ARAP2: variants seen among roughly 807,000 people sequenced by gnomAD.
The protein encoded by ARAP2 is ArfGAP with RhoGAP domain, ankyrin repeat and PH domain 2.
ARAP2 carries 148 observed loss-of-function variants against 194.5 expected under a neutral mutation model. The ratio of observed to expected loss-of-function variants is 0.76; its 90% CI spans 0.67 to 0.87. ARAP2 has a LOEUF of 0.87. Ranked by LOEUF, ARAP2 falls within the 40% of genes least tolerant of loss-of-function variation. The probability of loss-of-function intolerance (pLI) is 0.00; values close to 1 mark genes in which losing one functional copy is unlikely to be tolerated. For synonymous variants in ARAP2, 695 were observed against 683.5 expected, an observed-to-expected ratio of 1.02 and a Z score of -0.26; for missense variants, 2,128 against 1,989.7, an observed-to-expected ratio of 1.07 and a Z score of -1.32.
Position 36,068,079 on chromosome 4 carries a change from G to T in ARAP2, c.4943C>A (p.Pro1648Gln), listed in dbSNP as rs1235991946. 1 of 1,614,012 alleles carries T rather than the reference G, an allele frequency of 6.2e-7. No homozygotes were observed. The highest frequency in any genetic ancestry group is 1.7e-5 in the Admixed American group (1 of 60,008). Residue 1648 changes from proline (P) to glutamine (Q), a missense_variant, in exon 33 of 33, where the codon CCA becomes CAA. Coordinates refer to ENST00000303965, the MANE Select transcript of ARAP2 (RefSeq NM_015230.4). ...TGTCTTTAGGCCTTTATGGCCTTTT[G>T]GTTGCCCAAGTGGGGCTTCAGGCTC... ...DTEPEAPLGQPKGHKGLKTLR... is the reference protein window; with the variant it reads ...DTEPEAPLGQQKGHKGLKTLR...
At chr4:36,025,054 A>C (rs1717659749) in intron 5 of ARAP2, among the ~76,000 whole-genome samples, 1 of 152,188 alleles carries the variant, frequency 6.6e-6, no homozygotes, top group Non-Finnish European at 1.5e-5. Flanking sequence ...TTCCCTTACT[A>C]ATCACATATT....
chr4:36,165,248 T>C (rs1399245586), intron 10 of ARAP2, 135 bp from the exon 11 acceptor site: 3 of 734,402 alleles, frequency 4.1e-6, no homozygotes, highest in Non-Finnish European at 4.4e-6. Context: ...AGTTCTGGGT[T>C]GTCTTTTCTG....
intron 7 of ARAP2, among the ~76,000 whole-genome samples, chr4:36,190,449 T>A (rs1741621084): frequency 6.6e-6 from 1 of 152,200 alleles, no homozygotes; most frequent in African/African-American, 2.4e-5. Context: ...AATGAATGAA[T>A]CCTATGTCTA....
chr4:36,202,356 C>T (rs1185666911), intron 6 of ARAP2, among the ~76,000 whole-genome samples: 1 of 152,142 alleles, frequency 6.6e-6, no homozygotes, highest in Non-Finnish European at 1.5e-5. Context: ...AGCACTTTCT[C>T]ACTTTTGAGC....
chr4:36,232,692 G>T (rs1461662865), intron 1 of ARAP2, among the ~76,000 whole-genome samples: 1 of 152,090 alleles, frequency 6.6e-6, no homozygotes, highest in Non-Finnish European at 1.5e-5. Context: ...AAACAGGCAG[G>T]TATTACCTCC....
At chr4:36,186,188 T>G (rs1233722509) in intron 8 of ARAP2, among the ~76,000 whole-genome samples, 1 of 152,162 alleles carries the variant, frequency 6.6e-6, no homozygotes, top group East Asian at 1.9e-4. Context: ...ATAAAATAAG[T>G]TAAATACTAA....
At chr4:36,215,781 G>A (rs73128498) in intron 2 of ARAP2, among the ~76,000 whole-genome samples, 1,793 of 151,650 alleles carry the variant, frequency 0.012, 35 homozygotes, top group African/African-American at 0.041. Context: ...CCCAGGAGGC[G>A]GAGCCCTGCA....
intron 2 of ARAP2, among the ~76,000 whole-genome samples, chr4:36,225,372 C>T (rs569503620): frequency 5.3e-5 from 8 of 152,058 alleles, no homozygotes; most frequent in Non-Finnish European, 1.2e-4. Flanking sequence ...GCCTGGGGCA[C>T]TAAGAAGATT....
chr4:36,175,619 A>G (rs1228026077), intron 9 of ARAP2, among the ~76,000 whole-genome samples: 1 of 152,272 alleles, frequency 6.6e-6, no homozygotes, highest in East Asian at 1.9e-4. Context: ...CATATACACA[A>G]ACAATAGTAT....
chr4:36,190,105 A>G (rs1222436410), intron 7 of ARAP2, among the ~76,000 whole-genome samples: 2 of 152,214 alleles, frequency 1.3e-5, no homozygotes, highest in Non-Finnish European at 2.9e-5. Context: ...CTTTGCATAC[A>G]CTGTTTGCTC....
rs189962241 is a variant in ARAP2, at chr4:36,201,146, T to A, written c.1488-7499A>T. ...GAGCCACACACAAATATTAACTCAT[T>A]TAATCCTCCAGACAAACATGTGAGA... On this transcript the variant is annotated intron_variant, in intron 6 of 32. Transcript: ENST00000303965. 1.6e-3 allele frequency among the ~76,000 whole-genome samples: 244 copies of A among 152,212 alleles called. 1 individual carries two copies. Among genetic ancestry groups the A allele is most frequent in the African/African-American group, 5.8e-3 (241 of 41,564 alleles).
intron 1 of ARAP2, among the ~76,000 whole-genome samples, chr4:36,243,325 A>AT (rs141278236): frequency 0.036 from 4,742 of 130,190 alleles, 124 homozygotes; most frequent in Non-Finnish European, 0.051. Flanking sequence ...ACACTTCTTG[A>AT]TTTTTTTTAA....
Position 36,221,515 on chromosome 4 carries a change from C to A in ARAP2, c.906-7035G>T, listed in dbSNP as rs563956065. Among the ~76,000 whole-genome samples the A allele has an allele frequency of 2.0e-5, 3 of 151,702 alleles. No individual in the cohort carries two copies. The South Asian group carries it at 6.2e-4, about 32-fold the overall frequency. ...CCAGGACCTAAGCCACAATGCTTAA[C>A]TTACATTAAAAAAAAAAGATTTTGA... On this transcript the variant is annotated intron_variant, in intron 2 of 32. Coordinates refer to ENST00000303965, the MANE Select transcript of ARAP2 (RefSeq NM_015230.4).
chr4:36,062,191 T>A (rs990437449), downstream of ARAP2, among the ~76,000 whole-genome samples: 1 of 152,194 alleles, frequency 6.6e-6, no homozygotes, highest in Non-Finnish European at 1.5e-5. Flanking sequence ...TGCCTGTGCT[T>A]ATGGGGATAT....
At chr4:36,165,667 A>G (rs1735125557) in intron 10 of ARAP2, among the ~76,000 whole-genome samples, 1 of 152,128 alleles carries the variant, frequency 6.6e-6, no homozygotes, top group Non-Finnish European at 1.5e-5. Context: ...ACAGTTTTCT[A>G]ACACATTTTT....
chr4:36,091,085 C>T (rs1364757693), intron 28 of ARAP2, among the ~76,000 whole-genome samples: 1 of 152,008 alleles, frequency 6.6e-6, no homozygotes, highest in Non-Finnish European at 1.5e-5. Flanking sequence ...TACATATTAG[C>T]TCCGTGAATT....
intron 8 of ARAP2, among the ~76,000 whole-genome samples, chr4:36,014,546 T>G (rs1182859548): frequency 6.6e-6 from 1 of 152,182 alleles, no homozygotes; most frequent in African/African-American, 2.4e-5. Context: ...ATTCTATAAA[T>G]TATTAAAGCA....
chr4:36,210,474 T>A lies in ARAP2; in HGVS notation c.1403A>T (p.Gln468Leu). The A allele has an allele frequency of 6.2e-7, 1 of 1,614,000 alleles. No individual in the cohort carries two copies. Among genetic ancestry groups the A allele is most frequent in the Non-Finnish European group, 8.5e-7 (1 of 1,179,892 alleles). The change falls in exon 6 of 33, where the codon CAG becomes CTG. Residue 468 changes from glutamine (Q) to leucine (L), a missense_variant. Physicochemically the swap from Gln to Leu is moderately radical, Grantham distance 113. Coordinates refer to ENST00000303965, the MANE Select transcript of ARAP2 (RefSeq NM_015230.4). ...GNADSSAVSS[Q>L]AISPYACFYG... ...AAAGCAGGCATAGGGAGATATTGCC[T>A]GTGAAGAAACGGCTGATGAATCAGC...
chr4:36,023,882 A>C (rs1232947327), intron 5 of ARAP2, among the ~76,000 whole-genome samples: 1 of 152,182 alleles, frequency 6.6e-6, no homozygotes, highest in Non-Finnish European at 1.5e-5. Context: ...TTGAAGAAGA[A>C]TTTAAAGATT....
Sources: gnomAD v4.1 joint callset for allele counts (sites outside exome capture counted in the v4.1 genomes callset) on GRCh38, gnomAD v4.1.1 for gene constraint, MANE v1.5 for transcripts, NCBI Gene and HGNC (gene_info 2026-07-23, HGNC 2026-07-21) for gene names.